The following RAB38 variants were observed in gnomAD, a reference collection of about 807,000 sequenced individuals.
RAB38 encodes ras-related protein Rab-38.
In RAB38, 15 loss-of-function variants were observed where a neutral mutation model predicts 18.4. The observed-to-expected ratio is 0.82, with a 90% CI of 0.55 to 1.26. The LOEUF (loss-of-function observed/expected upper bound fraction) is 1.26, where lower values mean the gene tolerates loss of function less well. Among genes scored for constraint, RAB38 ranks in the 50% most tolerant of loss-of-function variants. The pLI is 0.00. For synonymous variants in RAB38, 101 were observed against 104.4 expected, an observed-to-expected ratio of 0.97 and a Z score of 0.20; for missense variants, 294 against 267.4, an observed-to-expected ratio of 1.10 and a Z score of -0.69.
chr11:88,080,181 G>A, the RAB38 span, among the ~76,000 whole-genome samples: 1 of 151,630 alleles, frequency 6.6e-6, no homozygotes, highest in African/African-American at 2.4e-5. Context: ...AGTAAAGAGT[G>A]AGCTTCTCAG....
the RAB38 span, among the ~76,000 whole-genome samples, chr11:87,890,197 G>A: frequency 0.014 from 2,059 of 151,860 alleles, 44 homozygotes; most frequent in African/African-American, 0.048. Context: ...ATTTTAAGGC[G>A]GGAAAACAAT....
the RAB38 span, among the ~76,000 whole-genome samples, chr11:87,850,479 T>G: frequency 6.6e-6 from 1 of 151,738 alleles, no homozygotes; most frequent in Non-Finnish European, 1.5e-5. Flanking sequence ...TGTGTGTGTG[T>G]GTGCACGCGC....
chr11:87,912,699 T>A, the RAB38 span, among the ~76,000 whole-genome samples: 1 of 151,272 alleles, frequency 6.6e-6, no homozygotes, highest in Non-Finnish European at 1.5e-5. Flanking sequence ...TTCTATTTAA[T>A]TGATATCCAC....
the RAB38 span, among the ~76,000 whole-genome samples, chr11:88,105,713 T>C: frequency 1.3e-5 from 2 of 152,150 alleles, no homozygotes. Context: ...AGACCCTGCA[T>C]AGTTCAGCTT....
the RAB38 span, among the ~76,000 whole-genome samples, chr11:87,899,570 G>A: frequency 1.3e-5 from 2 of 151,642 alleles, no homozygotes; most frequent in Admixed American, 6.6e-5. Flanking sequence ...CCACAGTTGG[G>A]AAGAAAGTTT....
the RAB38 span, among the ~76,000 whole-genome samples, chr11:87,880,752 A>G: frequency 6.6e-6 from 1 of 151,822 alleles, no homozygotes; most frequent in African/African-American, 2.4e-5. Flanking sequence ...TAATCATTTA[A>G]TGGCCAATAT....
At chr11:87,890,299 A>C in the RAB38 span, among the ~76,000 whole-genome samples, 28 of 151,880 alleles carry the variant, frequency 1.8e-4, no homozygotes, top group Non-Finnish European at 3.8e-4. Flanking sequence ...AAAGTATTTT[A>C]AAGTTCAAAC....
In RAB38 at chr11:88,118,837, T is replaced by C. The variant is rs558658164; in HGVS notation, c.484-4697A>G. Among the ~76,000 whole-genome samples the C allele has an allele frequency of 9.1e-4, 139 of 152,308 alleles. 2 individuals are homozygous for C. Among genetic ancestry groups the C allele is most frequent in the African/African-American group, 3.3e-3 (136 of 41,560 alleles). ...AACAAAGAATTTTACTAAAAACAAA[T>C]GGAGTTAATTAAGCAGGTGCTTTGT... is the stretch of plus-strand genomic sequence containing the variant. On this transcript the variant is annotated intron_variant, in intron 2 of 2. Transcript: ENST00000243662.
the RAB38 span, among the ~76,000 whole-genome samples, chr11:87,872,640 G>T: frequency 6.6e-6 from 1 of 151,422 alleles, no homozygotes; most frequent in Non-Finnish European, 1.5e-5. Context: ...ACTGATTACT[G>T]TCTCCATAGT....
chr11:88,127,638 C>T (rs1942715868), intron 2 of RAB38, among the ~76,000 whole-genome samples: 1 of 152,084 alleles, frequency 6.6e-6, no homozygotes, highest in Non-Finnish European at 1.5e-5. Flanking sequence ...CTGAGACTAG[C>T]CCAAAATGAA....
chr11:88,076,582 T>C, the RAB38 span, among the ~76,000 whole-genome samples: 1 of 152,112 alleles, frequency 6.6e-6, no homozygotes, highest in African/African-American at 2.4e-5. Flanking sequence ...CATTGCAGGA[T>C]ATAAAATCAA....
At chr11:87,944,911 T>A in the RAB38 span, among the ~76,000 whole-genome samples, 2 of 152,152 alleles carry the variant, frequency 1.3e-5, no homozygotes, top group Admixed American at 6.6e-5. Flanking sequence ...ATCTGACAAA[T>A]CACTCACTTC....
chr11:88,049,411 C>T, the RAB38 span, among the ~76,000 whole-genome samples: 2 of 152,190 alleles, frequency 1.3e-5, no homozygotes, highest in East Asian at 3.9e-4. Flanking sequence ...AAAAGCTCCC[C>T]CACTGAGCAC....
chr11:88,033,962 C>T, the RAB38 span, among the ~76,000 whole-genome samples: 40 of 152,124 alleles, frequency 2.6e-4, no homozygotes, highest in African/African-American at 8.7e-4. Context: ...CTCCTGACCT[C>T]GTGATCTGCC....
chr11:87,963,613 G>A, the RAB38 span, among the ~76,000 whole-genome samples: 10 of 151,312 alleles, frequency 6.6e-5, no homozygotes, highest in East Asian at 5.8e-4. Context: ...TTCCTAATAC[G>A]TAGAGATAGC....
chr11:88,144,900 G>A (rs1942962245), intron 2 of RAB38, among the ~76,000 whole-genome samples: 1 of 152,098 alleles, frequency 6.6e-6, no homozygotes, highest in Non-Finnish European at 1.5e-5. Context: ...TGTTTGTGGT[G>A]GTGTATTTCT....
chr11:88,115,141 A>C (rs373209184), intron 2 of RAB38, among the ~76,000 whole-genome samples: 1 of 152,216 alleles, frequency 6.6e-6, no homozygotes, highest in East Asian at 1.9e-4. Context: ...CCAGTGTACT[A>C]AAATAAATAT....
At chr11:88,164,268 G>T (rs1943222326) in intron 1 of RAB38, among the ~76,000 whole-genome samples, 2 of 131,912 alleles carry the variant, frequency 1.5e-5, no homozygotes, top group Non-Finnish European at 3.4e-5. Context: ...GTGGGGGGGG[G>T]TGCCATGGTG....
chr11:88,061,789 C>T, the RAB38 span: 1 of 152,106 alleles, frequency 6.6e-6, no homozygotes, highest in African/African-American at 2.4e-5. Flanking sequence ...CCTCTGGGAG[C>T]CCATCTGTCA....
Sources: gnomAD v4.1 joint callset for allele counts (sites outside exome capture counted in the v4.1 genomes callset) on GRCh38, gnomAD v4.1.1 for gene constraint, MANE v1.5 for transcripts, NCBI Gene and HGNC (gene_info 2026-07-23, HGNC 2026-07-21) for gene names.